Variants in SMC3 observed in about 807,000 individuals in gnomAD.
SMC3 encodes the protein structural maintenance of chromosomes 3, also known as structural maintenance of chromosomes protein 3.
Under a neutral mutation model 171.8 loss-of-function variants are expected in SMC3, and 20 were observed. The ratio of observed to expected loss-of-function variants is 0.12; its 90% CI spans 0.08 to 0.17. SMC3 has a LOEUF of 0.17. SMC3 is among the 10% of genes least tolerant of loss of function. The probability of loss-of-function intolerance (pLI) is 1.00; values close to 1 mark genes in which losing one functional copy is unlikely to be tolerated. For missense variants in SMC3, 543 were observed against 1,420.4 expected (o/e 0.38, Z 9.93); for synonymous variants, 464 against 451.1 (o/e 1.03, Z -0.36).
At chr10:110,578,500 G>T in intron 6 of SMC3, 128 bp from the exon 7 acceptor site, 1 of 692,734 alleles carries the variant, frequency 1.4e-6, no homozygotes. Context: ...AAAGTTCTGA[G>T]GATGATACAG....
intron 13 of SMC3, among the ~76,000 whole-genome samples, chr10:110,587,816 CTTCTT>C (rs1861146767): frequency 1.3e-5 from 2 of 152,130 alleles, no homozygotes; most frequent in Non-Finnish European, 2.9e-5. Context: ...GGTTTATACT[CTTCTT>C]TTAGCATGTG....
Position 110,591,027 on chromosome 10 carries a change from C to T in SMC3, c.1707C>T (p.Ser569=), listed in dbSNP as rs1305489396. ...FYHIVDSDEV[S]TKILMEFNKM... ...ACATTGTTGATTCAGATGAAGTCAG[C>T]ACGAAGATTTTAATGGAGTTTAATA... The change falls in exon 17 of 29, where the codon AGC becomes AGT. Residue 569 remains serine, a synonymous_variant. Transcript: ENST00000361804. 1 of 1,612,800 alleles carries T rather than the reference C, an allele frequency of 6.2e-7. No individual in the cohort carries two copies. The highest frequency in any genetic ancestry group is 8.5e-7 in the Non-Finnish European group (1 of 1,178,924).
At chr10:110,579,515 C>T (rs1164078876) in intron 7 of SMC3, among the ~76,000 whole-genome samples, 4 of 152,126 alleles carry the variant, frequency 2.6e-5, no homozygotes, top group Non-Finnish European at 5.9e-5. Context: ...TTGATTGCCT[C>T]ATCTGAAAGC....
rs1564796218 is a variant in SMC3, at chr10:110,602,673, AC to A, written c.3297+10del. On this transcript the variant is annotated intron_variant, in intron 26 of 28. Coordinates refer to ENST00000361804, the MANE Select transcript of SMC3 (RefSeq NM_005445.4). ...ACTGGAGTTGGAATTAGGGTAAAAT[AC>A]CTTTATATTCCATTTTCCTCAGAGC... 1 of 1,608,336 alleles carries A rather than the reference AC, an allele frequency of 6.2e-7. No homozygotes were observed.
intron 28 of SMC3, 129 bp from the exon 29 acceptor site, chr10:110,604,094 CAAAAAAAA>C (rs57491050): frequency 6.1e-5 from 14 of 230,242 alleles, no homozygotes; most frequent in South Asian, 1.5e-4. Context: ...GACTCCATCT[CAAAAAAAA>C]AAAAAAAAAA....
At chr10:110,590,014 C>G in intron 15 of SMC3, 23 bp downstream of exon 15, 1 of 1,583,628 alleles carries the variant, frequency 6.3e-7, no homozygotes, top group Non-Finnish European at 8.7e-7. Flanking sequence ...TTTTCATCAC[C>G]TCTGTTTACA....
At chr10:110,571,042 G>C (rs1860863157) in intron 2 of SMC3, among the ~76,000 whole-genome samples, 1 of 152,034 alleles carries the variant, frequency 6.6e-6, no homozygotes, top group Non-Finnish European at 1.5e-5. Context: ...ACGTTTTTAG[G>C]GATTTTTTTC....
At chr10:110,576,663 T>C (rs1268719592) in intron 4 of SMC3, among the ~76,000 whole-genome samples, 2 of 152,206 alleles carry the variant, frequency 1.3e-5, no homozygotes, top group Non-Finnish European at 2.9e-5. Context: ...CCTTGTTTAG[T>C]TTGAATTTGT....
intron 17 of SMC3, 26 bp from the exon 18 acceptor site, chr10:110,593,043 ATCTC>A (rs756863347): frequency 1.7e-5 from 27 of 1,580,672 alleles, no homozygotes; most frequent in East Asian, 1.6e-4. Flanking sequence ...CTGTGTTGTG[ATCTC>A]TCTGTTGACA....
At position 110,578,622 on chromosome 10, in the gene SMC3, C is replaced by T. The variant is rs1860990294; in HGVS notation, c.351-6C>T. The T allele has an allele frequency of 6.2e-7, 1 of 1,601,180 alleles. No individual in the cohort carries two copies. Among genetic ancestry groups the T allele is most frequent in the Non-Finnish European group, 8.5e-7 (1 of 1,171,174 alleles). ...ATCGGAAAGTAATTTCATTGTTTGT[C>T]AACAGGAAAAATGATGTGATGAACC... On this transcript the variant is annotated splice_region_variant and splice_polypyrimidine_tract_variant and intron_variant, in intron 6 of 28. Transcript: ENST00000361804.
chr10:110,576,431 G>T (rs997080943), intron 4 of SMC3, among the ~76,000 whole-genome samples: 2 of 152,158 alleles, frequency 1.3e-5, no homozygotes, highest in Admixed American at 6.5e-5. Context: ...CTCAAACCTT[G>T]TTAGGACATT....
chr10:110,578,244 T>C (rs189002819), intron 6 of SMC3, among the ~76,000 whole-genome samples: 11 of 152,190 alleles, frequency 7.2e-5, no homozygotes, highest in African/African-American at 2.6e-4. Flanking sequence ...CGGCTACTTT[T>C]TGTATTCTTA....
At chr10:110,593,837 A>T (rs1015323689) in intron 18 of SMC3, among the ~76,000 whole-genome samples, 1 of 146,380 alleles carries the variant, frequency 6.8e-6, no homozygotes, top group Non-Finnish European at 1.5e-5. Flanking sequence ...AAATACAAAA[A>T]ATTAGCTGGG....
In SMC3 at chr10:110,573,439, C is replaced by T. The variant is rs185674152; in HGVS notation, c.92-268C>T. 3.1e-3 allele frequency among the ~76,000 whole-genome samples: 476 copies of T among 152,044 alleles called. 1 individual carries two copies. Among genetic ancestry groups the T allele is most frequent in the South Asian group, 0.02 (95 of 4,818 alleles). ...GAGCCAGGTAGTATATTTAGCTATT[C>T]CTATTCATTTTAAACTATTGGGTAA... On this transcript the variant is annotated intron_variant, in intron 2 of 28. Transcript: ENST00000361804.
At chr10:110,594,899 C>T (rs2134742615) in intron 18 of SMC3, among the ~76,000 whole-genome samples, 1 of 152,172 alleles carries the variant, frequency 6.6e-6, no homozygotes, top group South Asian at 2.1e-4. Context: ...AACCTAATAT[C>T]CTCTAAAAAG....
chr10:110,602,015 A>T lies in SMC3; in HGVS notation c.2942A>T (p.His981Leu). 6.2e-7 allele frequency: 1 copy of T among 1,613,800 alleles called. No homozygotes were observed. The highest frequency in any genetic ancestry group is 8.5e-7 in the Non-Finnish European group (1 of 1,179,916). ...AACACAGAATTAAAGAAGTACAGCC[A>T]TGTTAACAAAAAGGCTTTGGATCAG... is the stretch of plus-strand genomic sequence containing the variant. ...QCNTELKKYSHVNKKALDQFV... is the reference protein window; with the variant it reads ...QCNTELKKYSLVNKKALDQFV... The change falls in exon 25 of 29, where the codon CAT becomes CTT. Residue 981 changes from histidine to leucine, a missense_variant. By Grantham distance (99) the His-to-Leu change is moderately conservative. This residue lies in a region of SMC3 where 81 missense variants were observed against 184.2 expected (regional missense o/e 0.44). Coordinates refer to ENST00000361804, the MANE Select transcript of SMC3 (RefSeq NM_005445.4).
At chr10:110,573,622 A>C (rs1860905779) in intron 2 of SMC3, 85 bp from the exon 3 acceptor site, 3 of 927,788 alleles carry the variant, frequency 3.2e-6, no homozygotes, top group Non-Finnish European at 5.1e-6. Flanking sequence ...GGATTTTAAA[A>C]ATATTGAGTA....
At chr10:110,592,263 CAAA>C (rs58488395) in intron 17 of SMC3, among the ~76,000 whole-genome samples, 9 of 144,468 alleles carry the variant, frequency 6.2e-5, no homozygotes, top group African/African-American at 1.8e-4. Flanking sequence ...GACTCCATCT[CAAA>C]AAAAAAAAAA....
At chr10:110,581,226 T>C (rs900367990) in intron 8 of SMC3, among the ~76,000 whole-genome samples, 4 of 150,552 alleles carry the variant, frequency 2.7e-5, no homozygotes, top group African/African-American at 9.8e-5. Flanking sequence ...CTTTTTTTTT[T>C]TTTTTTTTTG....
Sources: gnomAD v4.1 joint callset for allele counts (sites outside exome capture counted in the v4.1 genomes callset) on GRCh38, gnomAD v4.1.1 for gene constraint, gnomAD v4.1.1 regional missense constraint, MANE v1.5 for transcripts, NCBI Gene and HGNC (gene_info 2026-07-23, HGNC 2026-07-21) for gene names.